The following CFAP20DC variants were observed in gnomAD, a reference collection of about 807,000 sequenced individuals.
The protein encoded by CFAP20DC is protein CFAP20DC.
CFAP20DC carries 84 observed loss-of-function variants against 101.7 expected under a neutral mutation model. That is an observed-to-expected ratio of 0.83 (90% CI 0.69 to 0.99). The LOEUF (loss-of-function observed/expected upper bound fraction) is 0.99. Among genes scored for constraint, CFAP20DC ranks in the 50% least tolerant of loss-of-function variants. The pLI is 0.00. For missense variants in CFAP20DC, 1,007 were observed against 970.3 expected (o/e 1.04, Z -0.50); for synonymous variants, 359 against 351.2 (o/e 1.02, Z -0.25).
chr3:58,753,394 G>A (rs1209165777), intron 16 of CFAP20DC, among the ~76,000 whole-genome samples: 1 of 152,094 alleles, frequency 6.6e-6, no homozygotes, highest in East Asian at 1.9e-4. Flanking sequence ...AGGAATAATC[G>A]GGGAGGCACT....
intron 15 of CFAP20DC, among the ~76,000 whole-genome samples, chr3:58,758,414 T>C (rs7624292): frequency 0.58 from 88,560 of 151,810 alleles, 26,933 homozygotes; most frequent in African/African-American, 0.77. Context: ...TTTCGTGGGT[T>C]GGCTTCTTAC....
chr3:58,815,675 C>T (rs2075063546), intron 14 of CFAP20DC, among the ~76,000 whole-genome samples: 1 of 151,132 alleles, frequency 6.6e-6, no homozygotes, highest in South Asian at 2.1e-4. Context: ...AAAAAACAAA[C>T]AACCCCATCA....
At chr3:58,953,685 T>C (rs2090358965) in intron 4 of CFAP20DC, 1 of 152,208 alleles carries the variant, frequency 6.6e-6, no homozygotes, top group South Asian at 2.1e-4. Context: ...TAAATGCATA[T>C]GTGTGACTAC....
chr3:58,733,306 T>C (rs2067682547), intron 3 of CFAP20DC, among the ~76,000 whole-genome samples: 1 of 152,162 alleles, frequency 6.6e-6, no homozygotes. Flanking sequence ...CACTCCAGCC[T>C]GGGTGATAGG....
intron 5 of CFAP20DC, among the ~76,000 whole-genome samples, chr3:58,930,882 C>T (rs984028075): frequency 5.3e-5 from 8 of 152,218 alleles, no homozygotes; most frequent in East Asian, 1.9e-4. Flanking sequence ...CCTGAGGTAC[C>T]GGGTTCATCT....
intron 16 of CFAP20DC, among the ~76,000 whole-genome samples, chr3:58,747,890 T>C (rs997470827): frequency 3.9e-5 from 6 of 152,118 alleles, no homozygotes; most frequent in Non-Finnish European, 7.4e-5. Context: ...TAACCAACAA[T>C]GGAAAGAAAA....
Position 58,974,920 on chromosome 3 carries a change from T to C in CFAP20DC, c.279-37158A>G, listed in dbSNP as rs145351221. ...CCACCACTGGACACTCTCCTCTGTATGGAAGCACCGAATAAAACCCCATGT... is the reference window on the plus strand; with the variant it reads ...CCACCACTGGACACTCTCCTCTGTACGGAAGCACCGAATAAAACCCCATGT... On this transcript the variant is annotated intron_variant, in intron 4 of 16. Coordinates refer to ENST00000482387, the MANE Select transcript of CFAP20DC (RefSeq NM_001394063.1). Among the ~76,000 whole-genome samples the C allele has an allele frequency of 6.6e-5, 10 of 152,294 alleles. No homozygotes were observed. In the East Asian group the frequency reaches 1.9e-3, roughly 29 times the overall value.
At position 58,930,362 on chromosome 3, in the gene CFAP20DC, A is replaced by G. The variant is rs566554577; in HGVS notation, c.393+7286T>C. ...TATCAGATTAATCTTCCCAAAGCAC[A>G]GAACTGACTGTGTGGTCCTTCTCTA... On this transcript the variant is annotated intron_variant, in intron 5 of 16. Coordinates refer to ENST00000482387, the MANE Select transcript of CFAP20DC (RefSeq NM_001394063.1). 3.8e-4 allele frequency among the ~76,000 whole-genome samples: 58 copies of G among 152,326 alleles called. 1 individual carries two copies. Among genetic ancestry groups the G allele is most frequent in the African/African-American group, 1.3e-3 (56 of 41,586 alleles).
intron 4 of CFAP20DC, among the ~76,000 whole-genome samples, chr3:58,988,341 G>T (rs2092819550): frequency 6.6e-6 from 1 of 152,130 alleles, no homozygotes; most frequent in Non-Finnish European, 1.5e-5. Context: ...GTCAAGACGG[G>T]TTATACCAAA....
chr3:58,815,776 C>T (rs1296353346), intron 14 of CFAP20DC, among the ~76,000 whole-genome samples: 1 of 149,562 alleles, frequency 6.7e-6, no homozygotes, highest in African/African-American at 2.5e-5. Context: ...TCATCACTGG[C>T]CATCAGAGAA....
intron 12 of CFAP20DC, among the ~76,000 whole-genome samples, chr3:58,856,130 C>T (rs189201755): frequency 1.6e-4 from 24 of 150,066 alleles, no homozygotes; most frequent in African/African-American, 5.8e-4. Flanking sequence ...TAAAAAAAAA[C>T]CCCTCTCCTA....
intron 4 of CFAP20DC, among the ~76,000 whole-genome samples, chr3:58,946,024 T>C (rs1021297285): frequency 4.6e-5 from 7 of 151,698 alleles, no homozygotes; most frequent in African/African-American, 1.7e-4. Flanking sequence ...GTTTCATATC[T>C]ATTTTTTTCC....
chr3:58,941,894 G>T (rs992907457), intron 4 of CFAP20DC, among the ~76,000 whole-genome samples: 3 of 152,126 alleles, frequency 2.0e-5, no homozygotes, highest in African/African-American at 7.2e-5. Context: ...AATGGCTAGG[G>T]CCTTCAGCAC....
chr3:58,968,444 C>T (rs924864589), intron 4 of CFAP20DC, among the ~76,000 whole-genome samples: 2 of 152,084 alleles, frequency 1.3e-5, no homozygotes, highest in African/African-American at 4.8e-5. Context: ...TTTTTATCTG[C>T]ATTTCTCTAA....
At chr3:58,824,107 T>C (rs771246291) in intron 14 of CFAP20DC, among the ~76,000 whole-genome samples, 2 of 152,140 alleles carry the variant, frequency 1.3e-5, no homozygotes, top group African/African-American at 2.4e-5. Context: ...ATCATTTCTA[T>C]AGTTGTATAA....
intron 13 of CFAP20DC, among the ~76,000 whole-genome samples, chr3:58,845,118 C>A (rs1367688620): frequency 1.3e-5 from 2 of 149,628 alleles, no homozygotes. Context: ...AAAGCAAGAG[C>A]AAACACATTC....
Position 58,869,656 on chromosome 3 carries a change from A to G in CFAP20DC, c.853-166T>C, listed in dbSNP as rs1326450860. Among the ~76,000 whole-genome samples, 4 of 152,214 alleles carry G rather than the reference A, an allele frequency of 2.6e-5. No homozygotes were observed. The highest frequency in any genetic ancestry group is 9.6e-5 in the African/African-American group (4 of 41,458). On this transcript the variant is annotated intron_variant, in intron 8 of 16. Transcript: ENST00000482387. The surrounding 1 kb of genome is among the most constrained non-coding windows in gnomAD (Gnocchi z 4.3). ...AGGAAATTATTATAGGAAATTAGAAATGGAAGGAGAAAAATAACGAGATAA... is the reference window on the plus strand; with the variant it reads ...AGGAAATTATTATAGGAAATTAGAAGTGGAAGGAGAAAAATAACGAGATAA...
At chr3:58,979,931 G>A (rs1204302801) in intron 4 of CFAP20DC, among the ~76,000 whole-genome samples, 1 of 151,776 alleles carries the variant, frequency 6.6e-6, no homozygotes, top group African/African-American at 2.4e-5. Context: ...AAGTTCCAGT[G>A]TCAAATGATT....
chr3:58,905,903 A>G (rs138432831), intron 6 of CFAP20DC, among the ~76,000 whole-genome samples: 3 of 152,278 alleles, frequency 2.0e-5, no homozygotes, highest in South Asian at 2.1e-4. Context: ...CATCTCTTGT[A>G]TCTTTCCTTT....
Sources: gnomAD v4.1 joint callset for allele counts (sites outside exome capture counted in the v4.1 genomes callset) on GRCh38, gnomAD v4.1.1 for gene constraint, Gnocchi (gnomAD v3.1) non-coding constraint, MANE v1.5 for transcripts, NCBI Gene and HGNC (gene_info 2026-07-23, HGNC 2026-07-21) for gene names.